Variants in HNRNPU observed in about 807,000 individuals in gnomAD.
HNRNPU encodes heterogeneous nuclear ribonucleoprotein U, also known as HNRNPU antisense RNA 1.
A neutral mutation model predicts 94.7 loss-of-function variants in HNRNPU; 5 were observed. That is an observed-to-expected ratio of 0.05 (90% CI 0.03 to 0.11). The LOEUF is 0.11. HNRNPU is among the 10% of genes least tolerant of loss of function. The probability of loss-of-function intolerance (pLI) is 1.00; values close to 1 mark genes in which losing one functional copy is unlikely to be tolerated. For missense variants in HNRNPU, 710 were observed against 1,049.2 expected, an observed-to-expected ratio of 0.68 and a Z score of 4.47; for synonymous variants, 434 against 381.6, an observed-to-expected ratio of 1.14 and a Z score of -1.60.
rs1296401059 is a variant in HNRNPU, at chr1:244,858,677, G to A, written c.1230+52C>T. The stretch of plus-strand genomic sequence containing the variant: ...CAGTAAAGCTTCTTTAAAGTTCCTA[G>A]ATATAGCTACTAACTTTGCCATTTA... On this transcript the variant is annotated intron_variant, in intron 6 of 13. Transcript: ENST00000640218. 8 of 940,050 alleles carry A rather than the reference G, an allele frequency of 8.5e-6. No individual in the cohort carries two copies. The African/African-American group carries it at 1.1e-4, about 13-fold the overall frequency. 58.2% of individuals were successfully genotyped at this position (940,050 alleles called of 1,614,324 possible). A position where few individuals can be genotyped will look rare whatever the true frequency, so the allele number is the denominator to read the frequency against.
At chr1:244,857,300 C>G (rs986382396) in intron 8 of HNRNPU, 5 of 264,644 alleles carry the variant, frequency 1.9e-5, no homozygotes, top group Admixed American at 5.2e-5. Context: ...GACTGGAGTA[C>G]AATGGCACGA....
intron 1 of HNRNPU, chr1:244,862,993 A>C: frequency 2.1e-6 from 1 of 480,862 alleles, no homozygotes; most frequent in Non-Finnish European, 3.7e-6. Context: ...CCCGAAGCCC[A>C]CGTGTATCCC....
chr1:244,860,632 C>A (rs763038030), intron 3 of HNRNPU, 158 bp from the exon 4 acceptor site: 2 of 618,094 alleles, frequency 3.2e-6, no homozygotes, highest in Non-Finnish European at 5.8e-6. Flanking sequence ...TTTAAAGCCC[C>A]ACTCCCACCA....
At chr1:244,862,565 T>C (rs770020150) in intron 2 of HNRNPU, 31 bp from the exon 3 acceptor site, 150 of 1,610,804 alleles carry the variant, frequency 9.3e-5, no homozygotes, top group Non-Finnish European at 1.2e-4. Context: ...CTGATACAGC[T>C]TTCCGATCAA....
rs1167098829 is a variant in HNRNPU, at chr1:244,852,719, T to C, written c.*1731A>G. ...TCCAGCTTATAGCAAGAAAATTCCT[T>C]AGAAGTATGAATTCATATTTATGAT... On this transcript the variant is annotated 3_prime_UTR_variant, in exon 14 of 14. Transcript: ENST00000640218. The C allele has an allele frequency of 1.3e-5, 2 of 152,172 alleles. No individual in the cohort carries two copies. The highest frequency in any genetic ancestry group is 4.8e-5 in the African/African-American group (2 of 41,438). The allele number at this position is 152,172 out of a possible 1,614,324, so 9.4% of individuals were successfully genotyped here.
chr1:244,862,996 T>C (rs1177606972), intron 1 of HNRNPU: 10 of 480,480 alleles, frequency 2.1e-5, no homozygotes, highest in African/African-American at 4.0e-5. Flanking sequence ...GAAGCCCACG[T>C]GTATCCCGAA....
rs573967558 is a variant in HNRNPU, at chr1:244,860,483, A to G, written c.878-9T>C. On this transcript the variant is annotated splice_polypyrimidine_tract_variant and intron_variant, in intron 3 of 13. Transcript: ENST00000640218. The stretch of plus-strand genomic sequence containing the variant: ...ATGTAGATCACAATTATCTGTAATT[A>G]TATCAAATACTGTGTTACTTTTGAC... The G allele has an allele frequency of 2.2e-4, 351 of 1,581,882 alleles. 2 individuals carry two copies. The South Asian group carries it at 3.7e-3, about 17-fold the overall frequency.
chr1:244,863,726 G>A lies in HNRNPU; in HGVS notation c.582C>T (p.Phe194=), dbSNP rs764150176. 1.3e-6 allele frequency: 2 copies of A among 1,566,834 alleles called. No individual in the cohort carries two copies. The highest frequency in any genetic ancestry group is 1.7e-4 in the Middle Eastern group (1 of 5,948). Residue 194 remains phenylalanine (F), a synonymous_variant, in exon 1 of 14, where the codon TTC becomes TTT. Coordinates refer to ENST00000640218, the MANE Select transcript of HNRNPU (RefSeq NM_031844.3). The part of the protein sequence containing the change: ...AGKSSGPTSL[F]AVTVAPPGAR... ...CCCCGGGCGGCGCCACCGTCACCGC[G>A]AACAGCGAGGTGGGGCCGCTGCTCT...
intron 13 of HNRNPU, 144 bp downstream of exon 13, chr1:244,854,829 G>T: frequency 1.6e-6 from 1 of 636,304 alleles, no homozygotes; most frequent in East Asian, 2.9e-5. Flanking sequence ...GTAGATTATG[G>T]CTACTACTGC....
At chr1:244,858,685 T>C in intron 6 of HNRNPU, 44 bp downstream of exon 6, 1 of 1,018,566 alleles carries the variant, frequency 9.8e-7, no homozygotes, top group Non-Finnish European at 1.5e-6. Context: ...TAGATATAGC[T>C]ACTAACTTTG....
chr1:244,857,706 C>T lies in HNRNPU; in HGVS notation c.1506G>A (p.Met502Ile). 1 of 1,614,004 alleles carries T rather than the reference C, an allele frequency of 6.2e-7. No individual in the cohort carries two copies. Among genetic ancestry groups the T allele is most frequent in the Non-Finnish European group, 8.5e-7 (1 of 1,179,896 alleles). Residue 502 changes from methionine to isoleucine, a missense_variant, in exon 8 of 14, where the codon ATG becomes ATA. Physicochemically the swap from Met to Ile is conservative, Grantham distance 10 (BLOSUM62 1). Transcript: ENST00000640218. ...EEKKDCEVVM[M>I]IGLPGAGKTT... ...TTTTTCCAGCTCCTGGCAAGCCAAT[C>T]ATCATCACAACCTAGTGAAAAGAAA... is the stretch of plus-strand genomic sequence containing the variant.
At chr1:244,858,452 T>C (rs1045912691) in intron 6 of HNRNPU, 178 bp from the exon 7 acceptor site, 9 of 627,686 alleles carry the variant, frequency 1.4e-5, no homozygotes, top group East Asian at 2.7e-5. Flanking sequence ...ATGAAGCACG[T>C]ATCTCCAGAA....
At chr1:244,855,289 T>TACTAG (rs1680648132) in intron 12 of HNRNPU, 135 bp downstream of exon 12, 1 of 878,756 alleles carries the variant, frequency 1.1e-6, no homozygotes. Flanking sequence ...ATTTCACCAT[T>TACTAG]ACTAGTTCAA....
rs773306715 is a variant in HNRNPU at position 244,863,701 on chromosome 1, C to G, written c.607G>C (p.Ala203Pro). ...CCCGCCTGCTGCTGGCCCTGCCTCG[C>G]CCCGGGCGGCGCCACCGTCACCGCG... Reference protein sequence around the residue: ...LFAVTVAPPGARQGQQQAGGK... With the variant: ...LFAVTVAPPGPRQGQQQAGGK... Residue 203 changes from alanine (A) to proline (P), a missense_variant, in exon 1 of 14, where the codon GCG becomes CCG. By Grantham distance (27) the Ala-to-Pro change is conservative. This residue lies in a region of HNRNPU where 292 missense variants were observed against 293.4 expected (regional missense o/e 1.00). Coordinates refer to ENST00000640218, the MANE Select transcript of HNRNPU (RefSeq NM_031844.3). The G allele has an allele frequency of 6.4e-7, 1 of 1,564,858 alleles. No individual in the cohort carries two copies. The highest frequency in any genetic ancestry group is 8.6e-7 in the Non-Finnish European group (1 of 1,163,612).
In HNRNPU at chr1:244,858,277, G is replaced by T; in HGVS notation, c.1231-3C>A. ...TCTACTTCATCACTTTCAAAGTTCT[G>T]TTACACAGAAAAAAATTCAACAGTT... On this transcript the variant is annotated splice_region_variant and splice_polypyrimidine_tract_variant and intron_variant, in intron 6 of 13. Coordinates refer to ENST00000640218, the MANE Select transcript of HNRNPU (RefSeq NM_031844.3). 1 of 1,606,270 alleles carries T rather than the reference G, an allele frequency of 6.2e-7. No individual in the cohort carries two copies. The highest frequency in any genetic ancestry group is 8.5e-7 in the Non-Finnish European group (1 of 1,176,898).
At chr1:244,862,180 T>TC in intron 3 of HNRNPU, 1 of 339,412 alleles carries the variant, frequency 2.9e-6, no homozygotes, top group East Asian at 5.0e-5. Context: ...AAGTTTCCGT[T>TC]AGCTAGTCAA....
intron 9 of HNRNPU, 33 bp from the exon 10 acceptor site, chr1:244,856,658 A>G (rs377461977): frequency 1.2e-6 from 2 of 1,611,324 alleles, no homozygotes; most frequent in East Asian, 4.5e-5. Context: ...TTACAACCCT[A>G]AACATTAATT....
At position 244,863,953 on chromosome 1, in the gene HNRNPU, C is replaced by G; in HGVS notation, c.355G>C (p.Gly119Arg). The change falls in exon 1 of 14, where the codon GGC (glycine) becomes CGC (arginine). Residue 119 changes from glycine to arginine, a missense_variant. Gly to Arg is a moderately radical substitution (Grantham distance 125, BLOSUM62 -2). Transcript: ENST00000640218. ...ENGAAGAADSGPMEEEEAASE... is the reference protein window; with the variant it reads ...ENGAAGAADSRPMEEEEAASE... ...GCGGCCTCCTCCTCCTCCATCGGGC[C>G]CGAGTCGGCCGCCCCCGCGGCCCCG... is the stretch of plus-strand genomic sequence containing the variant. 6.2e-7 allele frequency: 1 copy of G among 1,613,616 alleles called. No homozygotes were observed.
rs1440031550 is a variant in HNRNPU at position 244,859,016 on chromosome 1, T to G, written c.1118-175A>C. The stretch of plus-strand genomic sequence containing the variant: ...GAATTGATGGAAGTTAGGAGGGATA[T>G]ATACGCAGAGACCAAATTAGTTGAC... On this transcript the variant is annotated intron_variant, in intron 5 of 13. Transcript: ENST00000640218. The G allele has an allele frequency of 1.2e-5, 7 of 591,500 alleles. No individual in the cohort carries two copies. The East Asian group carries it at 2.0e-4, about 17-fold the overall frequency. 36.6% of individuals were successfully genotyped at this position (591,500 alleles called of 1,614,324 possible). A position where few individuals can be genotyped will look rare whatever the true frequency, so the allele number is the denominator to read the frequency against.
Sources: gnomAD v4.1 joint callset for allele counts on GRCh38, gnomAD v4.1.1 for gene constraint, gnomAD v4.1.1 regional missense constraint, MANE v1.5 for transcripts, NCBI Gene and HGNC (gene_info 2026-07-23, HGNC 2026-07-21) for gene names.